Variants in PCDH10 observed in about 807,000 individuals in gnomAD.
PCDH10 encodes the protein protocadherin 10, also known as protocadherin-10.
A neutral mutation model predicts 74.4 loss-of-function variants in PCDH10; 15 were observed. The ratio of observed to expected loss-of-function variants is 0.20; its 90% CI spans 0.13 to 0.31. The LOEUF (loss-of-function observed/expected upper bound fraction) is 0.31. PCDH10 is among the 10% of genes least tolerant of loss of function. The probability of loss-of-function intolerance (pLI) is 1.00; values close to 1 mark genes in which losing one functional copy is unlikely to be tolerated. For missense variants in PCDH10, 1,260 were observed against 1,390.2 expected (o/e 0.91, Z 1.49); for synonymous variants, 619 against 589.8 (o/e 1.05, Z -0.72).
At position 133,172,634 on chromosome 4, in the gene PCDH10, T is replaced by G. The variant is rs540740436; in HGVS notation, c.3103+9352T>G. Among the ~76,000 whole-genome samples, 427 of 152,112 alleles carry G rather than the reference T, an allele frequency of 2.8e-3. 2 individuals are homozygous for G. The highest frequency in any genetic ancestry group is 0.01 in the African/African-American group (418 of 41,554). On this transcript the variant is annotated intron_variant, in intron 4 of 4. Transcript: ENST00000264360. ...TTACTACCACCCAAAGCATTACTAC[T>G]ATCCTAGTCTCTAACCAAAAATTAG...
chr4:133,157,401 A>G (rs185610186), intron 3 of PCDH10, among the ~76,000 whole-genome samples: 1 of 152,310 alleles, frequency 6.6e-6, no homozygotes, highest in East Asian at 1.9e-4. Flanking sequence ...ATTTCCAAAA[A>G]TTTAAGCCCA....
chr4:133,152,121 C>A lies in PCDH10; in HGVS notation c.1981C>A (p.Arg661Ser). The A allele has an allele frequency of 6.4e-7, 1 of 1,572,236 alleles. No homozygotes were observed. The highest frequency in any genetic ancestry group is 8.6e-7 in the Non-Finnish European group (1 of 1,159,720). ...QRPYELVIEVRDHGQPPLSST... is the reference protein window; with the variant it reads ...QRPYELVIEVSDHGQPPLSST... ...GCCTTATGAGCTGGTGATCGAGGTG[C>A]GCGACCATGGGCAGCCGCCCCTTTC... is the stretch of plus-strand genomic sequence containing the variant. Residue 661 changes from arginine (R) to serine (S), a missense_variant, in exon 1 of 5, where the codon CGC (arginine) becomes AGC (serine). Physicochemically the swap from Arg to Ser is moderately radical, Grantham distance 110. Around this residue, in one of 11 missense-constraint regions of PCDH10, gnomAD observed 587 missense variants for 616.9 expected, o/e 0.95. Transcript: ENST00000264360.
At chr4:133,153,261 A>G (rs1726782103) in intron 1 of PCDH10, 1 of 1,011,546 alleles carries the variant, frequency 9.9e-7, no homozygotes, top group Admixed American at 5.5e-5. Context: ...ACAGTTGTCT[A>G]ACCTCGAATT....
chr4:133,150,850 C>G lies in PCDH10; in HGVS notation c.710C>G (p.Thr237Ser), dbSNP rs750897482. The change falls in exon 1 of 5, where the codon ACC becomes AGC. Residue 237 changes from threonine (T) to serine (S), a missense_variant. Thr to Ser is a moderately conservative substitution (Grantham distance 58, BLOSUM62 1). This residue lies in a region of PCDH10 where 192 missense variants were observed against 161.2 expected (regional missense o/e 1.19). Coordinates refer to ENST00000264360, the MANE Select transcript of PCDH10 (RefSeq NM_032961.3). ...CAGCGCACCGGCACGGCCCTACTCA[C>G]CATCCGAGTGCTGGACTCCAATGAC... ...QQQRTGTALL[T>S]IRVLDSNDNV... 8.7e-6 allele frequency: 14 copies of G among 1,603,546 alleles called. No homozygotes were observed. The highest frequency in any genetic ancestry group is 1.2e-5 in the Non-Finnish European group (14 of 1,176,406).
chr4:133,167,784 T>A (rs1321978617), intron 4 of PCDH10, among the ~76,000 whole-genome samples: 2 of 151,422 alleles, frequency 1.3e-5, no homozygotes, highest in Non-Finnish European at 3.0e-5. Flanking sequence ...TTTGGGACAG[T>A]TTTATGGCCT....
intron 3 of PCDH10, among the ~76,000 whole-genome samples, chr4:133,161,660 T>C (rs3953154): frequency 0.14 from 21,735 of 151,886 alleles, 1,873 homozygotes; most frequent in Middle Eastern, 0.23. Flanking sequence ...GATTCGAGTT[T>C]CTTTTCTACA....
intron 4 of PCDH10, among the ~76,000 whole-genome samples, chr4:133,164,977 TACATATATTCATATATATAC>T (rs910321382): frequency 2.0e-5 from 3 of 147,986 alleles, no homozygotes; most frequent in African/African-American, 7.4e-5. Flanking sequence ...ATTCATTATA[TACATATATTCATATATATAC>T]ACATATATTC....
At chr4:133,163,341 A>T (rs1727013616) in intron 4 of PCDH10, 59 bp downstream of exon 4, 1 of 1,415,512 alleles carries the variant, frequency 7.1e-7, no homozygotes, top group Non-Finnish European at 9.5e-7. Flanking sequence ...AAAGTTCAAC[A>T]TTCCACTCTT....
At chr4:133,165,762 A>G (rs1234975027) in intron 4 of PCDH10, among the ~76,000 whole-genome samples, 8 of 151,764 alleles carry the variant, frequency 5.3e-5, no homozygotes, top group East Asian at 3.9e-4. Flanking sequence ...CATTTATACA[A>G]TAATGACAAG....
At chr4:133,167,410 T>C (rs575911079) in intron 4 of PCDH10, among the ~76,000 whole-genome samples, 1 of 151,674 alleles carries the variant, frequency 6.6e-6, no homozygotes, top group Non-Finnish European at 1.5e-5. Context: ...ATAAAATGAC[T>C]TTTCTTATAG....
At position 133,151,184 on chromosome 4, in the gene PCDH10, A is replaced by T. The variant is rs1465672537; in HGVS notation, c.1044A>T (p.Val348=). 1.4e-5 allele frequency: 23 copies of T among 1,614,010 alleles called. No individual in the cohort carries two copies. Among genetic ancestry groups the T allele is most frequent in the Non-Finnish European group, 1.9e-5 (23 of 1,180,042 alleles). The stretch of plus-strand genomic sequence containing the variant: ...CGCACTGCAAGGTGCTAGTGCGAGT[A>T]CTGGATGCTAATGACAACGCGCCAG... The part of the protein sequence containing the change: ...VPAHCKVLVR[V]LDANDNAPEI... The change falls in exon 1 of 5, where the codon GTA becomes GTT. Residue 348 remains valine (V), a synonymous_variant. Transcript: ENST00000264360.
chr4:133,164,097 A>G (rs749585682), intron 4 of PCDH10: 29 of 448,070 alleles, frequency 6.5e-5, no homozygotes, highest in African/African-American at 3.2e-4. Context: ...CAGCTTTTCA[A>G]ATTACTCAGA....
rs1343075994 is a variant in PCDH10, at chr4:133,163,165, G to A, written c.2986G>A (p.Ala996Thr). The change falls in exon 4 of 5, where the codon GCA becomes ACA. Residue 996 changes from alanine to threonine, a missense_variant. By Grantham distance (58) the Ala-to-Thr change is moderately conservative. Transcript: ENST00000264360. ...TGAAACTCCAGAAGCCCAGCCTGGGGCAGAGCGGTCCTTTTCCACCTTTGG... is the reference window on the plus strand; with the variant it reads ...TGAAACTCCAGAAGCCCAGCCTGGGACAGAGCGGTCCTTTTCCACCTTTGG... ...VFETPEAQPG[A>T]ERSFSTFGKE... is the part of the protein sequence containing the mutation. 2.5e-6 allele frequency: 4 copies of A among 1,614,030 alleles called. No individual in the cohort carries two copies. Among genetic ancestry groups the A allele is most frequent in the Non-Finnish European group, 3.4e-6 (4 of 1,180,022 alleles).
intron 4 of PCDH10, chr4:133,163,924 G>C (rs1578564277): frequency 2.2e-6 from 1 of 446,892 alleles, no homozygotes; most frequent in Middle Eastern, 3.4e-4. Context: ...CCTTTATGAA[G>C]TATAACGTGA....
chr4:133,201,959 T>A (rs1727917465), intron 2 of PCDH10, among the ~76,000 whole-genome samples: 1 of 151,868 alleles, frequency 6.6e-6, no homozygotes, highest in South Asian at 2.1e-4. Flanking sequence ...GAAGAAGGCT[T>A]AGGGCATTTG....
At chr4:133,161,299 G>A (rs946582440) in intron 3 of PCDH10, among the ~76,000 whole-genome samples, 1 of 152,052 alleles carries the variant, frequency 6.6e-6, no homozygotes, top group Non-Finnish European at 1.5e-5. Flanking sequence ...TCATTACGCA[G>A]TGAGATTAAT....
In PCDH10 at chr4:133,172,902, G is replaced by C. The variant is rs1454056909; in HGVS notation, c.3103+9620G>C. On this transcript the variant is annotated intron_variant, in intron 4 of 4. Transcript: ENST00000264360. ...TCTTCATCATTTTGGAAAATACAGT[G>C]TTCTCCTTGGATATCATTTCTCTAT... 3.9e-5 allele frequency among the ~76,000 whole-genome samples: 6 copies of C among 151,970 alleles called. No homozygotes were observed. In the East Asian group the frequency reaches 9.7e-4, roughly 24 times the overall value.
chr4:133,166,319 AT>A (rs1727080353), intron 4 of PCDH10, among the ~76,000 whole-genome samples: 1 of 151,652 alleles, frequency 6.6e-6, no homozygotes, highest in African/African-American at 2.4e-5. Flanking sequence ...ATACCATTTC[AT>A]TTTTAATTAA....
chr4:133,160,568 A>C (rs2125862229), intron 3 of PCDH10, among the ~76,000 whole-genome samples: 1 of 151,048 alleles, frequency 6.6e-6, no homozygotes, highest in African/African-American at 2.4e-5. Context: ...GGCACATTGG[A>C]GTAAAAACTA....
Sources: gnomAD v4.1 joint callset for allele counts (sites outside exome capture counted in the v4.1 genomes callset) on GRCh38, gnomAD v4.1.1 for gene constraint, gnomAD v4.1.1 regional missense constraint, MANE v1.5 for transcripts, NCBI Gene and HGNC (gene_info 2026-07-23, HGNC 2026-07-21) for gene names.